Variants in SLC12A8 observed in about 807,000 individuals in gnomAD.
SLC12A8 encodes solute carrier family 12 member 8, also known as cation-chloride cotransporter 9.
SLC12A8 carries 69 observed loss-of-function variants against 75.6 expected under a neutral mutation model. The ratio of observed to expected loss-of-function variants is 0.91; its 90% confidence interval spans 0.75 to 1.11. The LOEUF (loss-of-function observed/expected upper bound fraction) is 1.11, where lower values mean the gene tolerates loss of function less well. SLC12A8 is among the 50% of genes most tolerant of loss of function. SLC12A8 has a pLI of 0.00. For missense variants in SLC12A8, 877 were observed against 896.7 expected, an observed-to-expected ratio of 0.98 and a Z score of 0.28; for synonymous variants, 365 against 372.8, an observed-to-expected ratio of 0.98 and a Z score of 0.24.
intron 5 of SLC12A8, among the ~76,000 whole-genome samples, chr3:125,139,890 C>T (rs1266874677): frequency 6.6e-6 from 1 of 152,242 alleles, no homozygotes; most frequent in East Asian, 1.9e-4. Flanking sequence ...TCCCCATAGA[C>T]ACCACATTTT....
At position 125,200,871 on chromosome 3, in the gene SLC12A8, G is replaced by A. The variant is rs550619702; in HGVS notation, c.52-10350C>T. 3.3e-5 allele frequency among the ~76,000 whole-genome samples: 5 copies of A among 152,284 alleles called. No individual in the cohort carries two copies. In the South Asian group the frequency reaches 6.3e-4, roughly 19 times the overall value. On this transcript the variant is annotated intron_variant, in intron 2 of 13. Transcript: ENST00000469902. The stretch of plus-strand genomic sequence containing the variant: ...CGGAGACTCATGGTAGAGCAGGAAC[G>A]CAACTATTTTTGGCTTAGTGAGGGT...
chr3:125,100,801 C>G (rs1938853522), intron 10 of SLC12A8, among the ~76,000 whole-genome samples: 1 of 148,566 alleles, frequency 6.7e-6, no homozygotes. Flanking sequence ...ATCATGAGGT[C>G]AGGAGATCGA....
chr3:125,113,965 G>A (rs991594456), intron 8 of SLC12A8, among the ~76,000 whole-genome samples: 3 of 152,012 alleles, frequency 2.0e-5, no homozygotes, highest in Non-Finnish European at 2.9e-5. Context: ...ATCTAATTGC[G>A]GTGACCCCTG....
intron 6 of SLC12A8, among the ~76,000 whole-genome samples, chr3:125,135,267 G>A (rs1164879445): frequency 6.6e-6 from 1 of 152,352 alleles, no homozygotes; most frequent in Admixed American, 6.5e-5. Context: ...TTCCAGGTAT[G>A]CACTTATTCC....
intron 5 of SLC12A8, among the ~76,000 whole-genome samples, chr3:125,137,941 ACACT>A (rs199669999): frequency 3.4e-5 from 5 of 147,542 alleles, no homozygotes; most frequent in South Asian, 4.2e-4. Flanking sequence ...GCTCACGCTC[ACACT>A]CACGCTCACA....
At chr3:125,123,112 C>T (rs1460260737) in intron 6 of SLC12A8, among the ~76,000 whole-genome samples, 3 of 152,032 alleles carry the variant, frequency 2.0e-5, no homozygotes, top group Non-Finnish European at 4.4e-5. Flanking sequence ...TAATGGCTCA[C>T]ACCTTTAATC....
intron 10 of SLC12A8, among the ~76,000 whole-genome samples, chr3:125,101,163 C>A (rs985385341): frequency 1.1e-4 from 16 of 152,080 alleles, no homozygotes; most frequent in Non-Finnish European, 2.2e-4. Flanking sequence ...GTCAGATTGA[C>A]CTGGGTTCAA....
At chr3:125,153,017 G>A (rs779348389) in intron 5 of SLC12A8, among the ~76,000 whole-genome samples, 24 of 152,122 alleles carry the variant, frequency 1.6e-4, no homozygotes, top group Non-Finnish European at 3.4e-4. Flanking sequence ...CGTCCACCCT[G>A]CCACTCCTCT....
chr3:125,134,506 A>T (rs921035942), intron 6 of SLC12A8, among the ~76,000 whole-genome samples: 1 of 152,194 alleles, frequency 6.6e-6, no homozygotes, highest in Non-Finnish European at 1.5e-5. Flanking sequence ...AGCTATTTCC[A>T]GTTTGGGACT....
chr3:125,093,768 T>C (rs1938643219), intron 10 of SLC12A8, among the ~76,000 whole-genome samples: 1 of 152,180 alleles, frequency 6.6e-6, no homozygotes, highest in South Asian at 2.1e-4. Flanking sequence ...CAGAACTCAC[T>C]AAGTATTCCT....
intron 4 of SLC12A8, among the ~76,000 whole-genome samples, chr3:125,185,042 C>T (rs953135516): frequency 1.4e-4 from 22 of 152,142 alleles, no homozygotes; most frequent in Non-Finnish European, 3.2e-4. Flanking sequence ...AATTCATGGC[C>T]GAGCACAGTG....
intron 10 of SLC12A8, among the ~76,000 whole-genome samples, chr3:125,097,416 T>C (rs867230123): frequency 1.3e-5 from 2 of 151,952 alleles, no homozygotes; most frequent in Admixed American, 6.6e-5. Flanking sequence ...AGAAACACTA[T>C]TGGTTAAGAA....
In SLC12A8 at chr3:125,107,847, C is replaced by A. The variant is rs1417043738; in HGVS notation, c.1339G>T (p.Ala447Ser). 3.7e-6 allele frequency: 6 copies of A among 1,614,044 alleles called. No homozygotes were observed. In the Admixed American group the frequency reaches 6.7e-5, roughly 18 times the overall value. The change falls in exon 10 of 14, where the codon GCC becomes TCC. Residue 447 changes from alanine (A) to serine (S), a missense_variant. Ala to Ser is a moderately conservative substitution (Grantham distance 99). Transcript: ENST00000469902. ...KAPSYGSEGPAQRVLEGTLLE... is the reference protein window; with the variant it reads ...KAPSYGSEGPSQRVLEGTLLE... ...AGCGTGCCCTCCAAGACTCTTTGGG[C>A]AGGTCCCTCAGAGCCGTAACTGGGA...
At chr3:125,212,042 C>T (rs992192449) in intron 1 of SLC12A8, among the ~76,000 whole-genome samples, 2 of 152,048 alleles carry the variant, frequency 1.3e-5, no homozygotes, top group Non-Finnish European at 2.9e-5. Flanking sequence ...TGGCGCCTCT[C>T]CCCAGCACAG....
At chr3:125,130,728 G>C (rs886347177) in intron 6 of SLC12A8, among the ~76,000 whole-genome samples, 4 of 152,214 alleles carry the variant, frequency 2.6e-5, no homozygotes, top group Non-Finnish European at 4.4e-5. Flanking sequence ...CAAGCCTCAG[G>C]CTGCTGCTAA....
At chr3:125,087,318 C>A (rs1938484595) in intron 13 of SLC12A8, among the ~76,000 whole-genome samples, 1 of 152,104 alleles carries the variant, frequency 6.6e-6, no homozygotes, top group African/African-American at 2.4e-5. Flanking sequence ...GTCTTGAACT[C>A]CTGACCTCAG....
chr3:125,111,768 G>A (rs1939193994), intron 8 of SLC12A8, among the ~76,000 whole-genome samples: 1 of 152,100 alleles, frequency 6.6e-6, no homozygotes, highest in Non-Finnish European at 1.5e-5. Context: ...ACTGATGGAT[G>A]AATCAGTCAG....
At chr3:125,204,220 A>G (rs931236806) in intron 2 of SLC12A8, among the ~76,000 whole-genome samples, 16 of 152,216 alleles carry the variant, frequency 1.1e-4, no homozygotes, top group Non-Finnish European at 1.8e-4. Flanking sequence ...TGATCCAGCA[A>G]TCCCACTGTG....
intron 4 of SLC12A8, among the ~76,000 whole-genome samples, chr3:125,183,315 C>T (rs998434191): frequency 6.6e-6 from 1 of 152,102 alleles, no homozygotes; most frequent in Non-Finnish European, 1.5e-5. Context: ...ACCAGGCATT[C>T]CTTTTCTTTT....
Sources: gnomAD v4.1 joint callset for allele counts (sites outside exome capture counted in the v4.1 genomes callset) on GRCh38, gnomAD v4.1.1 for gene constraint, MANE v1.5 for transcripts, NCBI Gene and HGNC (gene_info 2026-07-23, HGNC 2026-07-21) for gene names.